The following PTPRJ variants were observed in gnomAD, a reference collection of about 807,000 sequenced individuals.
The protein encoded by PTPRJ is protein tyrosine phosphatase receptor type J.
In PTPRJ, 129 loss-of-function variants were observed where a neutral mutation model predicts 141.3. The observed-to-expected ratio is 0.91, with a 90% CI of 0.79 to 1.06. The LOEUF is 1.06. Among genes scored for constraint, PTPRJ ranks in the 50% least tolerant of loss-of-function variants. The pLI, the probability that PTPRJ is intolerant of heterozygous loss-of-function variation, is 0.00. For missense variants in PTPRJ, 1,601 were observed against 1,679.7 expected, an observed-to-expected ratio of 0.95 and a Z score of 0.82; for synonymous variants, 610 against 640.5, an observed-to-expected ratio of 0.95 and a Z score of 0.72.
At chr11:48,071,430 T>C (rs146580207) in intron 1 of PTPRJ, among the ~76,000 whole-genome samples, 4,577 of 135,126 alleles carry the variant, frequency 0.034, 102 homozygotes, top group Middle Eastern at 0.053. Flanking sequence ...CATTCTCCTG[T>C]GTCAGCCTCC....
chr11:47,997,414 G>T (rs1854368664), intron 1 of PTPRJ, among the ~76,000 whole-genome samples: 1 of 152,184 alleles, frequency 6.6e-6, no homozygotes, highest in Non-Finnish European at 1.5e-5. Context: ...AACTAACAAG[G>T]TTTACACATG....
At position 48,167,221 on chromosome 11, in the gene PTPRJ, C is replaced by T. The variant is rs540802430; in HGVS notation, c.3873C>T (p.Leu1291=). 6.2e-7 allele frequency: 1 copy of T among 1,612,118 alleles called. No individual in the cohort carries two copies. Among genetic ancestry groups the T allele is most frequent in the East Asian group, 2.2e-5 (1 of 44,850 alleles). The change falls in exon 25 of 25, where the codon CTC becomes CTT. Residue 1291 remains leucine, a synonymous_variant. Coordinates refer to ENST00000418331, the MANE Select transcript of PTPRJ (RefSeq NM_002843.4). The part of the protein sequence containing the change: ...MVQTEDQYVF[L]NQCVLDIVRS... ...TCTATCAGGACCAGTATGTTTTCCT[C>T]AATCAGTGTGTTTTGGATATTGTCA...
intron 1 of PTPRJ, among the ~76,000 whole-genome samples, chr11:48,034,188 G>A (rs192366197): frequency 2.4e-4 from 36 of 152,310 alleles, no homozygotes; most frequent in African/African-American, 7.0e-4. Context: ...GAGATGGCAC[G>A]TGGGGAGGAT....
chr11:48,159,418 G>A (rs1245923602), intron 21 of PTPRJ, among the ~76,000 whole-genome samples: 3 of 152,152 alleles, frequency 2.0e-5, no homozygotes, highest in South Asian at 2.1e-4. Flanking sequence ...CTACTCTAGG[G>A]GCAAAGGGAG....
rs1314463126 is a variant in PTPRJ at position 47,984,538 on chromosome 11, G to A, written c.96+3530G>A. ...TTGGCCATTTCAGAAATACCAAGAG[G>A]TAGGTGCTGTTCTTGTTTATTTGTT... is the stretch of plus-strand genomic sequence containing the variant. On this transcript the variant is annotated intron_variant, in intron 1 of 24. Transcript: ENST00000418331. 5.9e-5 allele frequency among the ~76,000 whole-genome samples: 9 copies of A among 152,032 alleles called. 1 individual carries two copies. Among genetic ancestry groups the A allele is most frequent in the Admixed American group, 5.9e-4 (9 of 15,266 alleles).
intron 7 of PTPRJ, among the ~76,000 whole-genome samples, chr11:48,129,057 T>C (rs1459936411): frequency 6.6e-6 from 1 of 152,184 alleles, no homozygotes; most frequent in Non-Finnish European, 1.5e-5. Context: ...TATTTCTCTC[T>C]CCTGTAACAG....
Position 48,168,563 on chromosome 11 carries a change from T to TAC in PTPRJ, c.*1202_*1203insCA, listed in dbSNP as rs1441859832. 10 of 123,280 alleles carry TAC rather than the reference T, an allele frequency of 8.1e-5. 1 individual carries two copies. The highest frequency in any genetic ancestry group is 3.1e-4 in the African/African-American group (10 of 32,504). 7.6% of individuals were successfully genotyped at this position (123,280 alleles called of 1,614,324 possible). On this transcript the variant is annotated 3_prime_UTR_variant, in exon 25 of 25. Transcript: ENST00000418331. ...ATATATATATATATATATATATATA[T>TAC]ATATATATATATATATATACACTAA...
intron 3 of PTPRJ, among the ~76,000 whole-genome samples, chr11:48,115,234 A>G (rs1347878680): frequency 6.6e-6 from 1 of 152,218 alleles, no homozygotes; most frequent in Non-Finnish European, 1.5e-5. Flanking sequence ...GTCAATTCAA[A>G]CAAGACTACT....
chr11:48,153,507 A>T (rs1857532675), intron 18 of PTPRJ, among the ~76,000 whole-genome samples: 1 of 150,988 alleles, frequency 6.6e-6, no homozygotes, highest in Admixed American at 6.6e-5. Context: ...AAAAAAAAAA[A>T]AAAAAAAAAA....
intron 1 of PTPRJ, among the ~76,000 whole-genome samples, chr11:48,071,250 T>C (rs1483934376): frequency 6.6e-5 from 10 of 152,156 alleles, no homozygotes; most frequent in Admixed American, 6.5e-4. Context: ...TATCAAACAA[T>C]GTGAAAAACA....
chr11:48,110,347 C>T (rs923378767), intron 2 of PTPRJ, among the ~76,000 whole-genome samples: 2 of 152,194 alleles, frequency 1.3e-5, no homozygotes, highest in East Asian at 3.8e-4. Flanking sequence ...GCTGGGATTA[C>T]AGGCACGTGC....
At chr11:48,114,926 G>C (rs1283660588) in intron 3 of PTPRJ, among the ~76,000 whole-genome samples, 1 of 152,122 alleles carries the variant, frequency 6.6e-6, no homozygotes, top group Non-Finnish European at 1.5e-5. Context: ...AAATGTAATA[G>C]AGAGCACCAA....
Position 48,146,883 on chromosome 11 carries a change from C to A in PTPRJ, c.2919C>A (p.Ile973=). The change falls in exon 15 of 25, where the codon ATC becomes ATA. Residue 973 remains isoleucine, a synonymous_variant. Transcript: ENST00000418331. Reference sequence around the variant, plus strand: ...CATTTGGACTTTTCTCAGGTGTCATCTGTGGAGCGGTTTTTGGCTGTATCT... The same window carrying A: ...CATTTGGACTTTTCTCAGGTGTCATATGTGGAGCGGTTTTTGGCTGTATCT... ...AVSLPQDPGV[I]CGAVFGCIFG... The A allele has an allele frequency of 6.2e-7, 1 of 1,614,044 alleles. No homozygotes were observed. Among genetic ancestry groups the A allele is most frequent in the South Asian group, 1.1e-5 (1 of 91,070 alleles).
At chr11:48,129,053 T>A (rs1856907632) in intron 7 of PTPRJ, among the ~76,000 whole-genome samples, 1 of 152,208 alleles carries the variant, frequency 6.6e-6, no homozygotes, top group Non-Finnish European at 1.5e-5. Flanking sequence ...GGTTTATTTC[T>A]CTCTCCTGTA....
intron 1 of PTPRJ, among the ~76,000 whole-genome samples, chr11:48,109,567 C>G (rs1252235493): frequency 6.6e-6 from 1 of 152,160 alleles, no homozygotes; most frequent in South Asian, 2.1e-4. Flanking sequence ...ATGAAAATCC[C>G]AAACACAGTG....
At chr11:48,166,520 G>A (rs1345353037) in intron 24 of PTPRJ, among the ~76,000 whole-genome samples, 3 of 151,784 alleles carry the variant, frequency 2.0e-5, no homozygotes, top group Non-Finnish European at 4.4e-5. Context: ...CACCATGTTG[G>A]CCAGGCTGAT....
rs533618672 is a variant in PTPRJ at position 48,124,423 on chromosome 11, G to A, written c.875-545G>A. Among the ~76,000 whole-genome samples the A allele has an allele frequency of 1.7e-4, 26 of 152,300 alleles. No individual in the cohort carries two copies. The South Asian group carries it at 3.3e-3, about 19-fold the overall frequency. ...GGCTCATGTGGATTTTCCTGCTAGCGGGAGGCCTTAGAGAAAGAGATGAGG... is the reference window on the plus strand; with the variant it reads ...GGCTCATGTGGATTTTCCTGCTAGCAGGAGGCCTTAGAGAAAGAGATGAGG... On this transcript the variant is annotated intron_variant, in intron 5 of 24. Transcript: ENST00000418331.
At chr11:48,126,775 AACACACAC>A (rs10599361) in intron 6 of PTPRJ, among the ~76,000 whole-genome samples, 1,646 of 137,234 alleles carry the variant, frequency 0.012, 22 homozygotes, top group African/African-American at 0.037. Flanking sequence ...AGTCTGTTGC[AACACACAC>A]ACACACACAC....
At chr11:47,996,964 A>G (rs957101745) in intron 1 of PTPRJ, among the ~76,000 whole-genome samples, 9 of 152,228 alleles carry the variant, frequency 5.9e-5, no homozygotes, top group Non-Finnish European at 8.8e-5. Context: ...TGCACATGGA[A>G]TGCTTAGCCT....
Sources: allele counts gnomAD v4.1 joint callset (sites outside exome capture counted in the v4.1 genomes callset), GRCh38; gene constraint gnomAD v4.1.1; transcripts MANE v1.5; gene names NCBI Gene and HGNC (gene_info 2026-07-23, HGNC 2026-07-21).